Variants in SCAF4 observed in about 807,000 individuals in gnomAD.
The protein encoded by SCAF4 is SR-related and CTD-associated factor 4.
In SCAF4, 25 loss-of-function variants were observed where a neutral mutation model predicts 129.8. The observed-to-expected ratio is 0.19, with a 90% CI of 0.14 to 0.27. SCAF4 has a LOEUF of 0.27. SCAF4 is among the 10% of genes least tolerant of loss of function. The probability of loss-of-function intolerance (pLI) is 1.00; values close to 1 mark genes in which losing one functional copy is unlikely to be tolerated. For missense variants in SCAF4, 1,246 were observed against 1,457.1 expected (o/e 0.86, Z 2.36); for synonymous variants, 551 against 497.7 (o/e 1.11, Z -1.43).
intron 1 of SCAF4, among the ~76,000 whole-genome samples, chr21:31,711,555 A>C (rs989975055): frequency 3.9e-5 from 6 of 152,262 alleles, no homozygotes; most frequent in African/African-American, 1.2e-4. Flanking sequence ...GAGGCTCAAC[A>C]ATCTGCTCAG....
At chr21:31,725,849 C>A (rs7283295) in intron 1 of SCAF4, among the ~76,000 whole-genome samples, 3,528 of 152,174 alleles carry the variant, frequency 0.023, 126 homozygotes, top group African/African-American at 0.08. Context: ...AAAATGATGT[C>A]ACTCTTTATT....
intron 15 of SCAF4, among the ~76,000 whole-genome samples, chr21:31,689,351 G>C (rs1182146128): frequency 6.6e-6 from 1 of 151,494 alleles, no homozygotes; most frequent in Admixed American, 6.6e-5. Context: ...AGGATGGAGT[G>C]CAGTGGCGCA....
In SCAF4 at chr21:31,696,650, G is replaced by A. The variant is rs1388062110; in HGVS notation, c.878C>T (p.Ala293Val). Residue 293 changes from alanine to valine, a missense_variant, in exon 8 of 20, where the codon GCA becomes GTA. By Grantham distance (64) the Ala-to-Val change is moderately conservative. This residue lies in a region of SCAF4 where 236 missense variants were observed against 210.0 expected (regional missense o/e 1.12). Transcript: ENST00000286835. Reference protein sequence around the residue: ...TAVTTTAPAAAVPPAPTATVP... With the variant: ...TAVTTTAPAAVVPPAPTATVP... ...GGTGGCGGTGGGTGCAGGGGGTACT[G>A]CGGCAGCAGGTGCTGTCGTGGTGAC... 6.8e-6 allele frequency: 11 copies of A among 1,613,996 alleles called. No individual in the cohort carries two copies. The highest frequency in any genetic ancestry group is 4.5e-5 in the East Asian group (2 of 44,872).
chr21:31,680,443 T>C (rs1034206284), intron 19 of SCAF4, among the ~76,000 whole-genome samples: 4 of 152,220 alleles, frequency 2.6e-5, no homozygotes, highest in Admixed American at 2.6e-4. Flanking sequence ...TATATAACAC[T>C]AGTGGAATAA....
intron 10 of SCAF4, 99 bp downstream of exon 10, chr21:31,694,714 T>C (rs1347195166): frequency 8.2e-7 from 1 of 1,220,094 alleles, no homozygotes; most frequent in Non-Finnish European, 1.2e-6. Flanking sequence ...CAGGTCTTTC[T>C]TCATATTCAA....
At chr21:31,684,109 C>T (rs2050059064) in intron 19 of SCAF4, 1 of 153,676 alleles carries the variant, frequency 6.5e-6, no homozygotes, top group Admixed American at 6.5e-5. Flanking sequence ...AAACCAATGT[C>T]TCACAGTCCT....
chr21:31,730,979 T>A (rs1328128344), intron 1 of SCAF4, among the ~76,000 whole-genome samples: 1 of 152,178 alleles, frequency 6.6e-6, no homozygotes, highest in African/African-American at 2.4e-5. Context: ...TTCTCTCCCA[T>A]TCAACTTTTT....
intron 1 of SCAF4, among the ~76,000 whole-genome samples, chr21:31,711,847 T>A (rs1337021593): frequency 6.6e-6 from 1 of 152,118 alleles, no homozygotes; most frequent in African/African-American, 2.4e-5. Context: ...CACAGAGGTA[T>A]AAAGTGATGT....
At chr21:31,723,610 A>ATATG (rs1555856147) in intron 1 of SCAF4, among the ~76,000 whole-genome samples, 11 of 149,224 alleles carry the variant, frequency 7.4e-5, no homozygotes, top group Non-Finnish European at 1.6e-4. Flanking sequence ...GATTTATATG[A>ATATG]TGTGTGTGTG....
chr21:31,710,274 T>A (rs967829987), intron 1 of SCAF4, among the ~76,000 whole-genome samples: 1 of 151,214 alleles, frequency 6.6e-6, no homozygotes, highest in Non-Finnish European at 1.5e-5. Context: ...ACCAGGCTGG[T>A]GCGGTGGCTC....
intron 14 of SCAF4, among the ~76,000 whole-genome samples, chr21:31,691,470 A>C (rs751676047): frequency 3.9e-5 from 6 of 152,192 alleles, no homozygotes; most frequent in Non-Finnish European, 7.3e-5. Flanking sequence ...GTTAATTCTA[A>C]GATGGCAAAC....
At chr21:31,714,101 GTCC>G (rs933473286) in intron 1 of SCAF4, among the ~76,000 whole-genome samples, 5 of 152,092 alleles carry the variant, frequency 3.3e-5, no homozygotes, top group Non-Finnish European at 5.9e-5. Context: ...AAGCCATAAT[GTCC>G]TCATTTGTAA....
In SCAF4 at chr21:31,671,302, C is replaced by G. The variant is rs1268490281; in HGVS notation, c.*97G>C. 2.9e-5 allele frequency: 41 copies of G among 1,390,232 alleles called. No individual in the cohort carries two copies. The highest frequency in any genetic ancestry group is 3.8e-5 in the Non-Finnish European group (39 of 1,036,238). 86.1% of individuals were successfully genotyped at this position (1,390,232 alleles called of 1,614,324 possible). ...CAGTTCCCCACCAGCTGGCGCGGGGCTGCAGTACAGCGGGAGCGGATATAA... is the reference window on the plus strand; with the variant it reads ...CAGTTCCCCACCAGCTGGCGCGGGGGTGCAGTACAGCGGGAGCGGATATAA... On this transcript the variant is annotated 3_prime_UTR_variant, in exon 20 of 20. Transcript: ENST00000286835.
rs1800397539 is a variant in SCAF4, at chr21:31,692,452, TAA to T, written c.1514-5_1514-4del. ...CACCCAGAGGGTAGTACTGCAAACT[TAA>T]AATAAAATTACAATCATAAAGAGAT... On this transcript the variant is annotated splice_polypyrimidine_tract_variant and splice_region_variant and intron_variant, in intron 12 of 19. Transcript: ENST00000286835. The T allele has an allele frequency of 1.3e-6, 2 of 1,598,600 alleles. No individual in the cohort carries two copies. Among genetic ancestry groups the T allele is most frequent in the South Asian group, 2.2e-5 (2 of 90,690 alleles).
intron 19 of SCAF4, among the ~76,000 whole-genome samples, chr21:31,681,914 G>A (rs139854038): frequency 2.0e-5 from 3 of 152,128 alleles, no homozygotes; most frequent in Non-Finnish European, 4.4e-5. Context: ...TTGGTGCCTA[G>A]TACTTTAAAA....
At position 31,696,094 on chromosome 21, in the gene SCAF4, G is replaced by C. The variant is rs1299524558; in HGVS notation, c.1068+19C>G. The C allele has an allele frequency of 6.4e-7, 1 of 1,555,018 alleles. No homozygotes were observed. Among genetic ancestry groups the C allele is most frequent in the East Asian group, 2.2e-5 (1 of 44,470 alleles). The stretch of plus-strand genomic sequence containing the variant: ...TAATGAATAGATCTTTCTTTGAACT[G>C]CAAGAAAAATGCTTGTACCTGATGG... On this transcript the variant is annotated intron_variant, in intron 9 of 19. Coordinates refer to ENST00000286835, the MANE Select transcript of SCAF4 (RefSeq NM_020706.2).
chr21:31,699,813 GA>G (rs1393807498), intron 7 of SCAF4, among the ~76,000 whole-genome samples: 1 of 152,154 alleles, frequency 6.6e-6, no homozygotes, highest in Non-Finnish European at 1.5e-5. Context: ...AAATAAAACA[GA>G]CAAGAGTGGA....
At chr21:31,686,217 GA>G (rs78764330) in intron 16 of SCAF4, among the ~76,000 whole-genome samples, 6,287 of 88,896 alleles carry the variant, frequency 0.071, 336 homozygotes, top group African/African-American at 0.21. Flanking sequence ...AAAAAAAAAA[GA>G]AAAAAAAAAA....
Position 31,691,778 on chromosome 21 carries a change from AT to A in SCAF4, c.1728+38del. The A allele has an allele frequency of 4.4e-6, 5 of 1,148,422 alleles. No homozygotes were observed. The South Asian group carries it at 7.0e-5, about 16-fold the overall frequency. The allele number at this position is 1,148,422 out of a possible 1,614,324, so 71.1% of individuals were successfully genotyped here. A position where few individuals can be genotyped will look rare whatever the true frequency, so the allele number is the denominator to read the frequency against. ...GCCACATATTTTTCCCCTTCTGCCT[AT>A]TTAAAAAAAAAATTAATTATAACAT... is the stretch of plus-strand genomic sequence containing the variant. On this transcript the variant is annotated intron_variant, in intron 14 of 19. Transcript: ENST00000286835.
Sources: allele counts gnomAD v4.1 joint callset (sites outside exome capture counted in the v4.1 genomes callset), GRCh38; gene constraint gnomAD v4.1.1; regional missense constraint gnomAD v4.1.1; transcripts MANE v1.5; gene names NCBI Gene and HGNC (gene_info 2026-07-23, HGNC 2026-07-21).